Variants in TF observed in about 807,000 individuals in gnomAD.
TF encodes serotransferrin.
A neutral mutation model predicts 82.4 loss-of-function variants in TF; 55 were observed. The ratio of observed to expected loss-of-function variants is 0.67; its 90% confidence interval spans 0.54 to 0.84. The LOEUF (loss-of-function observed/expected upper bound fraction) is 0.84, where lower values mean the gene tolerates loss of function less well. Among genes scored for constraint, TF ranks in the 40% least tolerant of loss-of-function variants. TF has a pLI of 0.00. For missense variants in TF, 737 were observed against 868.4 expected, an observed-to-expected ratio of 0.85 and a Z score of 1.90; for synonymous variants, 332 against 332.6, an observed-to-expected ratio of 1.00 and a Z score of 0.02.
chr3:133,739,436 A>C, the TF span, among the ~76,000 whole-genome samples: 1 of 152,224 alleles, frequency 6.6e-6, no homozygotes, highest in African/African-American at 2.4e-5. Context: ...CACCAAAAGC[A>C]ATGGCGACAA....
In TF at chr3:133,788,706, G is replaced by A. The variant is rs1191560000; in HGVS notation, c.*10086G>A. On this transcript the variant is annotated 3_prime_UTR_variant, in exon 17 of 17. Transcript: ENST00000402696. ...GCAGCGCCTAAACACGGAGGCAACC[G>A]CAGGTTTCTGGGTGGGGCCATCCTG... 5 of 152,114 alleles carry A rather than the reference G, an allele frequency of 3.3e-5. No homozygotes were observed. Among genetic ancestry groups the A allele is most frequent in the African/African-American group, 9.7e-5 (4 of 41,390 alleles). The allele number at this position is 152,114 out of a possible 1,614,324, so 9.4% of individuals were successfully genotyped here.
the TF span, among the ~76,000 whole-genome samples, chr3:133,727,799 G>T: frequency 8.2e-6 from 1 of 121,344 alleles, no homozygotes; most frequent in African/African-American, 3.1e-5. Flanking sequence ...GGTACCGGTT[G>T]TTCCTTTCCA....
intron 2 of TF, among the ~76,000 whole-genome samples, chr3:133,750,211 C>A (rs996635679): frequency 2.0e-5 from 3 of 152,192 alleles, no homozygotes; most frequent in African/African-American, 7.2e-5. Context: ...ATTTTCCTGG[C>A]AGCACTGAGT....
At chr3:133,667,343 C>G in the TF span, among the ~76,000 whole-genome samples, 1 of 105,606 alleles carries the variant, frequency 9.5e-6, no homozygotes, top group African/African-American at 3.8e-5. Flanking sequence ...AGTGACAGAG[C>G]AAGACTCTGA....
the TF span, among the ~76,000 whole-genome samples, chr3:133,666,149 GTA>G: frequency 1.3e-5 from 2 of 152,054 alleles, no homozygotes; most frequent in African/African-American, 4.8e-5. Flanking sequence ...GAATAAATAC[GTA>G]TAAATAAATG....
rs774173587 is a variant in TF at position 133,781,739 on chromosome 3, C to T, written c.*3119C>T. 5.9e-5 allele frequency: 9 copies of T among 152,128 alleles called. No homozygotes were observed. The highest frequency in any genetic ancestry group is 9.7e-5 in the African/African-American group (4 of 41,410). The allele number at this position is 152,128 out of a possible 1,614,324, so 9.4% of individuals were successfully genotyped here. A position where few individuals can be genotyped will look rare whatever the true frequency, so the allele number is the denominator to read the frequency against. ...AAAATGTAATGATAAGCTCCTGAAC[C>T]TTGGCCTTAGCAATGATTTTTTGGC... On this transcript the variant is annotated 3_prime_UTR_variant, in exon 17 of 17. Coordinates refer to ENST00000402696, the MANE Select transcript of TF (RefSeq NM_001063.4).
chr3:133,688,142 A>T, the TF span: 1 of 153,296 alleles, frequency 6.5e-6, no homozygotes, highest in Non-Finnish European at 1.5e-5. Context: ...CTGCCAGCAC[A>T]GAAGAGTGAG....
chr3:133,763,339 A>G (rs1457533867), intron 9 of TF, among the ~76,000 whole-genome samples: 1 of 152,224 alleles, frequency 6.6e-6, no homozygotes, highest in African/African-American at 2.4e-5. Context: ...CTGATGTGTA[A>G]TTACTATCTT....
intron 2 of TF, 109 bp downstream of exon 2, chr3:133,748,693 G>A (rs756717501): frequency 7.2e-7 from 1 of 1,381,134 alleles, no homozygotes; most frequent in South Asian, 1.2e-5. Flanking sequence ...ATATGGGGCA[G>A]TCAACCTTGA....
chr3:133,740,173 G>A, the TF span, among the ~76,000 whole-genome samples: 1 of 152,182 alleles, frequency 6.6e-6, no homozygotes, highest in Non-Finnish European at 1.5e-5. Context: ...ATGAGTTCAT[G>A]TCCTTTGCAG....
chr3:133,792,728 T>C lies in TF; in HGVS notation c.*14108T>C, dbSNP rs1934871817. ...AGGCATGGGAATGTAGATTTTTTTT[T>C]CTGTCTAAAGGGTTAAAGGATTGTT... On this transcript the variant is annotated 3_prime_UTR_variant, in exon 17 of 17. Transcript: ENST00000402696. 6.6e-6 allele frequency: 1 copy of C among 152,174 alleles called. No individual in the cohort carries two copies. The highest frequency in any genetic ancestry group is 6.5e-5 in the Admixed American group (1 of 15,282). The allele number at this position is 152,174 out of a possible 1,614,324, so 9.4% of individuals were successfully genotyped here.
intron 14 of TF, chr3:133,773,785 A>G (rs1425519769): frequency 6.6e-6 from 1 of 152,088 alleles, no homozygotes; most frequent in Non-Finnish European, 1.5e-5. Context: ...ATTCATTAAC[A>G]TCAATTTCCA....
chr3:133,672,861 TAAAAG>T, the TF span, among the ~76,000 whole-genome samples: 1 of 151,776 alleles, frequency 6.6e-6, no homozygotes, highest in Non-Finnish European at 1.5e-5. Context: ...CACATTAATA[TAAAAG>T]AAAAGGGAAT....
the TF span, among the ~76,000 whole-genome samples, chr3:133,683,582 A>G: frequency 1.3e-5 from 2 of 152,236 alleles, no homozygotes; most frequent in African/African-American, 4.8e-5. Flanking sequence ...CTTTAAACCA[A>G]CAAAGATCAG....
chr3:133,740,094 C>T, the TF span, among the ~76,000 whole-genome samples: 1 of 152,086 alleles, frequency 6.6e-6, no homozygotes, highest in African/African-American at 2.4e-5. Context: ...AAATGCCCAT[C>T]AATGATAGAC....
chr3:133,768,966 T>C (rs910095515), intron 13 of TF, among the ~76,000 whole-genome samples: 2 of 151,968 alleles, frequency 1.3e-5, no homozygotes, highest in African/African-American at 4.8e-5. Flanking sequence ...CTAATTTTTG[T>C]ATTTTTTTGT....
rs1934671604 is a variant in TF at position 133,786,022 on chromosome 3, GT to G, written c.*7404del. The G allele has an allele frequency of 1.2e-5, 1 of 84,448 alleles. No individual in the cohort carries two copies. Among genetic ancestry groups the G allele is most frequent in the African/African-American group, 4.2e-5 (1 of 23,672 alleles). 5.2% of individuals were successfully genotyped at this position (84,448 alleles called of 1,614,324 possible). A position where few individuals can be genotyped will look rare whatever the true frequency, so the allele number is the denominator to read the frequency against. On this transcript the variant is annotated 3_prime_UTR_variant, in exon 17 of 17. Transcript: ENST00000402696. ...ACAGATGCTTGAAGGCAGCATGCTC[GT>G]TAAGAGTCATCGCCAATCCCTAATC... is the stretch of plus-strand genomic sequence containing the variant.
Position 133,791,806 on chromosome 3 carries a change from G to A in TF, c.*13186G>A, listed in dbSNP as rs903921819. 3 of 152,136 alleles carry A rather than the reference G, an allele frequency of 2.0e-5. No individual in the cohort carries two copies. Among genetic ancestry groups the A allele is most frequent in the African/African-American group, 7.2e-5 (3 of 41,434 alleles). 9.4% of individuals were successfully genotyped at this position (152,136 alleles called of 1,614,324 possible). ...GTTCAATTCCTGGCTTAGGGAATGA[G>A]TCCTTTATCTTCTGTCTGTGTATTT... On this transcript the variant is annotated 3_prime_UTR_variant, in exon 17 of 17. Coordinates refer to ENST00000402696, the MANE Select transcript of TF (RefSeq NM_001063.4).
chr3:133,670,670 G>A, the TF span, among the ~76,000 whole-genome samples: 4 of 152,304 alleles, frequency 2.6e-5, no homozygotes, highest in Middle Eastern at 3.4e-3. Context: ...TGAGACATTT[G>A]TGTGCATTTA....
Sources: gnomAD v4.1 joint callset for allele counts (sites outside exome capture counted in the v4.1 genomes callset) on GRCh38, gnomAD v4.1.1 for gene constraint, MANE v1.5 for transcripts, NCBI Gene and HGNC (gene_info 2026-07-23, HGNC 2026-07-21) for gene names.